Variants in SDK1 observed in about 807,000 individuals in gnomAD.
The protein encoded by SDK1 is protein sidekick-1.
In SDK1, 157 loss-of-function variants were observed where a neutral mutation model predicts 245.5. The observed-to-expected ratio is 0.64, with a 90% CI of 0.56 to 0.73. The LOEUF (loss-of-function observed/expected upper bound fraction) is 0.73, where lower values mean the gene tolerates loss of function less well. SDK1 is among the 30% of genes least tolerant of loss of function. The probability of loss-of-function intolerance (pLI) is 0.00; values close to 1 mark genes in which losing one functional copy is unlikely to be tolerated. For missense variants in SDK1, 3,583 were observed against 3,002.3 expected, an observed-to-expected ratio of 1.19 and a Z score of -4.52; for synonymous variants, 1,647 against 1,278.5, an observed-to-expected ratio of 1.29 and a Z score of -6.15.
At chr7:3,347,360 T>C (rs1384941806) in intron 1 of SDK1, among the ~76,000 whole-genome samples, 2 of 152,166 alleles carry the variant, frequency 1.3e-5, no homozygotes, top group Admixed American at 6.5e-5. Context: ...ATATATGATA[T>C]GTTGGATACC....
chr7:4,199,648 T>A (rs1202328704), intron 35 of SDK1, among the ~76,000 whole-genome samples: 2 of 152,168 alleles, frequency 1.3e-5, no homozygotes, highest in African/African-American at 4.8e-5. Context: ...GCAGCTGCCA[T>A]GTCACAGCAG....
intron 1 of SDK1, among the ~76,000 whole-genome samples, chr7:3,403,071 A>G (rs1778934337): frequency 6.6e-6 from 1 of 152,058 alleles, no homozygotes; most frequent in South Asian, 2.1e-4. Context: ...AGTAGCTGGG[A>G]TTACAGCTGC....
intron 1 of SDK1, among the ~76,000 whole-genome samples, chr7:3,336,821 C>G (rs1780213532): frequency 6.6e-6 from 1 of 152,216 alleles, no homozygotes. Flanking sequence ...CTCACCCCAT[C>G]TGTCTGCAAC....
intron 5 of SDK1, among the ~76,000 whole-genome samples, chr7:3,855,021 C>G (rs988041691): frequency 6.6e-6 from 1 of 152,092 alleles, no homozygotes. Context: ...CCTAATCCAG[C>G]CCTGCTGTGG....
At chr7:3,645,450 A>G (rs1469961223) in intron 4 of SDK1, among the ~76,000 whole-genome samples, 2 of 152,198 alleles carry the variant, frequency 1.3e-5, no homozygotes, top group Admixed American at 6.5e-5. Context: ...ATAAATCAGT[A>G]TGGATATGTG....
At chr7:3,761,513 C>G (rs1269473635) in intron 4 of SDK1, among the ~76,000 whole-genome samples, 2 of 149,460 alleles carry the variant, frequency 1.3e-5, no homozygotes, top group East Asian at 3.9e-4. Context: ...GAGATCATGC[C>G]ACTGCACTCC....
At chr7:3,568,234 G>A (rs563442583) in intron 1 of SDK1, among the ~76,000 whole-genome samples, 14 of 152,254 alleles carry the variant, frequency 9.2e-5, no homozygotes, top group Middle Eastern at 3.4e-3. Context: ...AATTTAATAT[G>A]CATTTAATAA....
At chr7:3,711,720 G>A (rs980523377) in intron 4 of SDK1, among the ~76,000 whole-genome samples, 1 of 152,174 alleles carries the variant, frequency 6.6e-6, no homozygotes, top group Non-Finnish European at 1.5e-5. Flanking sequence ...TCAAGGCAGG[G>A]TGGGAGAGTT....
At chr7:3,902,112 C>A (rs1014459795) in intron 5 of SDK1, among the ~76,000 whole-genome samples, 2 of 152,160 alleles carry the variant, frequency 1.3e-5, no homozygotes, top group African/African-American at 4.8e-5. Context: ...ATGATATTTA[C>A]GAACCAAGAT....
intron 1 of SDK1, among the ~76,000 whole-genome samples, chr7:3,391,966 A>AATGTATATATATAT (rs1301290966): frequency 6.9e-6 from 1 of 143,974 alleles, no homozygotes; most frequent in African/African-American, 2.7e-5. Context: ...TATATCATGT[A>AATGTATATATATAT]ATATATATAT....
intron 43 of SDK1, among the ~76,000 whole-genome samples, chr7:4,244,654 G>T (rs895904118): frequency 6.6e-6 from 1 of 152,212 alleles, no homozygotes; most frequent in Non-Finnish European, 1.5e-5. Flanking sequence ...TGGGGCAGGA[G>T]TCTGGGCACA....
chr7:3,386,250 G>A (rs575392671), intron 1 of SDK1, among the ~76,000 whole-genome samples: 2 of 152,246 alleles, frequency 1.3e-5, no homozygotes, highest in East Asian at 3.9e-4. Flanking sequence ...GCAAGATTTG[G>A]TTTTATACTT....
intron 1 of SDK1, among the ~76,000 whole-genome samples, chr7:3,468,106 G>C (rs1276033554): frequency 6.6e-6 from 1 of 152,106 alleles, no homozygotes; most frequent in African/African-American, 2.4e-5. Flanking sequence ...ATAAAGCAGA[G>C]AGAAATCATT....
chr7:3,645,338 A>G (rs1376029900), intron 4 of SDK1, among the ~76,000 whole-genome samples: 2 of 152,226 alleles, frequency 1.3e-5, no homozygotes, highest in Non-Finnish European at 2.9e-5. Flanking sequence ...AGATGAGATG[A>G]GGCTGATTAT....
At chr7:4,078,925 C>A (rs1020795870) in intron 21 of SDK1, among the ~76,000 whole-genome samples, 2 of 152,162 alleles carry the variant, frequency 1.3e-5, no homozygotes, top group African/African-American at 4.8e-5. Flanking sequence ...ATCCAAGAAG[C>A]CTAAGGCTCA....
intron 1 of SDK1, among the ~76,000 whole-genome samples, chr7:3,448,526 G>T (rs1254510688): frequency 1.3e-5 from 2 of 151,698 alleles, no homozygotes; most frequent in African/African-American, 4.8e-5. Flanking sequence ...CTTTGTTTAG[G>T]TTTTCCATCT....
At chr7:3,347,458 T>G (rs547568322) in intron 1 of SDK1, among the ~76,000 whole-genome samples, 1 of 152,290 alleles carries the variant, frequency 6.6e-6, no homozygotes, top group South Asian at 2.1e-4. Flanking sequence ...AAATAACTTT[T>G]CACCTATTCT....
chr7:4,173,730 C>G (rs1433714217), intron 32 of SDK1, among the ~76,000 whole-genome samples: 1 of 152,136 alleles, frequency 6.6e-6, no homozygotes, highest in South Asian at 2.1e-4. Context: ...GGACTGAGTC[C>G]GGCACAGTGG....
chr7:3,435,580 G>C (rs1001157722), intron 1 of SDK1, among the ~76,000 whole-genome samples: 1 of 151,828 alleles, frequency 6.6e-6, no homozygotes, highest in Non-Finnish European at 1.5e-5. Context: ...GTCCAGGCTG[G>C]TTTCGAACTC....
Sources: allele counts gnomAD v4.1 joint callset (sites outside exome capture counted in the v4.1 genomes callset), GRCh38; gene constraint gnomAD v4.1.1; transcripts MANE v1.5; gene names NCBI Gene and HGNC (gene_info 2026-07-23, HGNC 2026-07-21).